MACROD2: variants seen among roughly 807,000 people sequenced by gnomAD.
MACROD2 encodes the protein mono-ADP ribosylhydrolase 2.
Under a neutral mutation model 70.4 loss-of-function variants are expected in MACROD2, and 36 were observed. The observed-to-expected ratio is 0.51, with a 90% confidence interval of 0.39 to 0.68. The LOEUF (loss-of-function observed/expected upper bound fraction) is 0.68. MACROD2 is among the 30% of genes least tolerant of loss of function. The probability of loss-of-function intolerance (pLI) is 0.00; values close to 1 mark genes in which losing one functional copy is unlikely to be tolerated. For missense variants in MACROD2, 496 were observed against 538.4 expected, an observed-to-expected ratio of 0.92 and a Z score of 0.78; for synonymous variants, 172 against 178.8, an observed-to-expected ratio of 0.96 and a Z score of 0.30.
intron 3 of MACROD2, among the ~76,000 whole-genome samples, chr20:14,124,661 A>G (rs1487306717): frequency 6.6e-6 from 1 of 152,154 alleles, no homozygotes; most frequent in East Asian, 1.9e-4. Context: ...GCTGCAGAGG[A>G]TGTTGAGAAA....
intron 7 of MACROD2, among the ~76,000 whole-genome samples, chr20:15,434,331 G>GAAA (rs34704525): frequency 1.6e-3 from 236 of 147,696 alleles, no homozygotes; most frequent in South Asian, 3.2e-3. Flanking sequence ...ATATCAGCAA[G>GAAA]AAAAAAAAAA....
At chr20:15,851,347 A>G (rs1166820131) in intron 8 of MACROD2, among the ~76,000 whole-genome samples, 1 of 151,850 alleles carries the variant, frequency 6.6e-6, no homozygotes, top group Non-Finnish European at 1.5e-5. Flanking sequence ...GGGTGGCTTA[A>G]ATAACAGAAA....
chr20:15,832,600 C>T (rs1266573312), intron 8 of MACROD2, among the ~76,000 whole-genome samples: 6 of 152,204 alleles, frequency 3.9e-5, no homozygotes, highest in African/African-American at 7.2e-5. Context: ...TACATATTCC[C>T]GTTTATAAAT....
At chr20:14,952,797 A>G (rs1490411153) in intron 5 of MACROD2, among the ~76,000 whole-genome samples, 1 of 152,118 alleles carries the variant, frequency 6.6e-6, no homozygotes, top group Non-Finnish European at 1.5e-5. Flanking sequence ...ATTCACAAAG[A>G]GGGAAGTAAA....
intron 5 of MACROD2, among the ~76,000 whole-genome samples, chr20:15,117,808 G>T (rs914019486): frequency 2.0e-5 from 3 of 152,264 alleles, no homozygotes; most frequent in Middle Eastern, 3.4e-3. Flanking sequence ...TAGACTTAAT[G>T]CACCTATCTT....
At chr20:15,811,564 T>C (rs2063821864) in intron 8 of MACROD2, among the ~76,000 whole-genome samples, 1 of 152,208 alleles carries the variant, frequency 6.6e-6, no homozygotes, top group Admixed American at 6.5e-5. Flanking sequence ...TACTTTAAAT[T>C]TACCTAGTTA....
intron 4 of MACROD2, among the ~76,000 whole-genome samples, chr20:14,578,782 C>T (rs1450098270): frequency 2.6e-5 from 4 of 152,026 alleles, no homozygotes; most frequent in South Asian, 2.1e-4. Flanking sequence ...GTAAATTCAC[C>T]GAAACCTAAG....
chr20:14,104,563 G>C (rs368900548), intron 3 of MACROD2, among the ~76,000 whole-genome samples: 6 of 152,282 alleles, frequency 3.9e-5, no homozygotes, highest in African/African-American at 1.4e-4. Flanking sequence ...CTATGGCTAT[G>C]GCTTTGGTTC....
At chr20:14,772,427 A>G (rs1481184227) in intron 5 of MACROD2, among the ~76,000 whole-genome samples, 1 of 152,196 alleles carries the variant, frequency 6.6e-6, no homozygotes, top group East Asian at 1.9e-4. Flanking sequence ...AAGCCTCACA[A>G]TCATGGTGGA....
intron 5 of MACROD2, among the ~76,000 whole-genome samples, chr20:15,221,744 C>T (rs375688295): frequency 4.6e-5 from 7 of 152,156 alleles, no homozygotes; most frequent in South Asian, 2.1e-4. Flanking sequence ...TATTTTATAA[C>T]GTGGGCTTAA....
intron 12 of MACROD2, among the ~76,000 whole-genome samples, chr20:15,961,389 A>T (rs1216162376): frequency 6.6e-6 from 1 of 152,126 alleles, no homozygotes; most frequent in Admixed American, 6.6e-5. Flanking sequence ...TGGAAAAAAA[A>T]CCCAAGTTCT....
At chr20:15,766,485 ATTC>A (rs2051527640) in intron 8 of MACROD2, among the ~76,000 whole-genome samples, 2 of 152,212 alleles carry the variant, frequency 1.3e-5, no homozygotes, top group Admixed American at 6.5e-5. Flanking sequence ...CAAGTCTCTT[ATTC>A]TCTCCTGAAG....
intron 10 of MACROD2, chr20:15,892,823 C>T (rs1221905673): frequency 1.8e-5 from 7 of 394,500 alleles, no homozygotes; most frequent in African/African-American, 4.1e-5. Context: ...TAAGATTCAG[C>T]GTGTGTGTAG....
At chr20:15,327,907 C>G (rs557490434) in intron 6 of MACROD2, among the ~76,000 whole-genome samples, 1 of 152,058 alleles carries the variant, frequency 6.6e-6, no homozygotes, top group Non-Finnish European at 1.5e-5. Flanking sequence ...GGTCTAGGTA[C>G]TTGACACATA....
chr20:15,982,829 G>C (rs909496883), intron 13 of MACROD2, among the ~76,000 whole-genome samples: 2 of 152,180 alleles, frequency 1.3e-5, no homozygotes, highest in African/African-American at 4.8e-5. Context: ...TTTATGTTTA[G>C]GTTTTGCCTA....
intron 3 of MACROD2, among the ~76,000 whole-genome samples, chr20:14,481,698 T>G (rs772090614): frequency 4.6e-5 from 7 of 152,156 alleles, no homozygotes; most frequent in Non-Finnish European, 8.8e-5. Flanking sequence ...GAACATTTGT[T>G]TGATGTTGGG....
intron 6 of MACROD2, among the ~76,000 whole-genome samples, chr20:15,259,610 A>T (rs1223991060): frequency 6.6e-6 from 1 of 151,824 alleles, no homozygotes. Flanking sequence ...GAGAATTTAA[A>T]CTCTTTCAGA....
At chr20:15,246,008 CAT>C (rs1368365098) in intron 6 of MACROD2, among the ~76,000 whole-genome samples, 1 of 152,184 alleles carries the variant, frequency 6.6e-6, no homozygotes, top group Non-Finnish European at 1.5e-5. Context: ...TAAAATAACT[CAT>C]ATGCAATGGC....
intron 5 of MACROD2, among the ~76,000 whole-genome samples, chr20:14,700,649 C>T (rs2071186409): frequency 6.6e-6 from 1 of 151,882 alleles, no homozygotes. Flanking sequence ...TCCATTCTAT[C>T]CACATTTTGT....
Sources: allele counts gnomAD v4.1 joint callset (sites outside exome capture counted in the v4.1 genomes callset), GRCh38; gene constraint gnomAD v4.1.1; transcripts MANE v1.5; gene names NCBI Gene and HGNC (gene_info 2026-07-23, HGNC 2026-07-21).